Variants in LGR5 observed in about 807,000 individuals in gnomAD.
The protein encoded by LGR5 is leucine rich repeat containing G protein-coupled receptor 5.
Under a neutral mutation model 76.7 loss-of-function variants are expected in LGR5, and 54 were observed. The ratio of observed to expected loss-of-function variants is 0.70; its 90% CI spans 0.57 to 0.88. The LOEUF (loss-of-function observed/expected upper bound fraction) is 0.88, where lower values mean the gene tolerates loss of function less well. Among genes scored for constraint, LGR5 ranks in the 40% least tolerant of loss-of-function variants. LGR5 has a pLI of 0.00. For missense variants in LGR5, 1,078 were observed against 1,073.3 expected (o/e 1.00, Z -0.06); for synonymous variants, 406 against 421.9 (o/e 0.96, Z 0.46).
chr12:71,521,905 A>G (rs1283002602), intron 2 of LGR5, among the ~76,000 whole-genome samples: 1 of 152,240 alleles, frequency 6.6e-6, no homozygotes, highest in Non-Finnish European at 1.5e-5. Flanking sequence ...TAAGACACAA[A>G]GTGCTACCAA....
At chr12:71,496,090 A>T (rs941271498) in intron 1 of LGR5, among the ~76,000 whole-genome samples, 9 of 152,002 alleles carry the variant, frequency 5.9e-5, no homozygotes, top group Non-Finnish European at 1.0e-4. Flanking sequence ...AAGAGAAAAA[A>T]GCCAGGCAAG....
intron 2 of LGR5, among the ~76,000 whole-genome samples, chr12:71,506,446 A>G (rs1030433783): frequency 2.0e-5 from 3 of 152,184 alleles, no homozygotes; most frequent in Admixed American, 2.0e-4. Flanking sequence ...GGTGAATATT[A>G]ATTCTGTTCT....
chr12:71,580,402 G>T lies in LGR5; in HGVS notation c.1531G>T (p.Ala511Ser). Residue 511 changes from alanine (A) to serine (S), a missense_variant, in exon 16 of 18, where the codon GCT becomes TCT. By Grantham distance (99) the Ala-to-Ser change is moderately conservative. Coordinates refer to ENST00000266674, the MANE Select transcript of LGR5 (RefSeq NM_003667.4). The part of the protein sequence containing the change: ...SSMDDLHKKD[A>S]GMFQAQDERD... ...TATGGACGACCTTCATAAGAAAGAT[G>T]CTGGAATGTTTCAGGCTCAAGGTAG... 2 of 1,613,566 alleles carry T rather than the reference G, an allele frequency of 1.2e-6. No homozygotes were observed. Among genetic ancestry groups the T allele is most frequent in the East Asian group, 2.2e-5 (1 of 44,878 alleles).
intron 4 of LGR5, among the ~76,000 whole-genome samples, chr12:71,545,694 TTTAC>T (rs1877121300): frequency 1.3e-5 from 2 of 152,106 alleles, no homozygotes; most frequent in African/African-American, 2.4e-5. Context: ...TGACTAACAC[TTTAC>T]TTCTTATAGT....
intron 2 of LGR5, among the ~76,000 whole-genome samples, chr12:71,516,523 A>G (rs1379358168): frequency 6.6e-6 from 1 of 152,182 alleles, no homozygotes; most frequent in African/African-American, 2.4e-5. Flanking sequence ...AGTACTCCCC[A>G]GATCTTGTAC....
chr12:71,499,157 A>G lies in LGR5; in HGVS notation c.213-5457A>G, dbSNP rs145312547. Reference sequence around the variant, plus strand: ...AGGTTTTTCCAGGAAAGTAAAACAAAAGACAGGGGCTAGGGAGTTGAGAGT... The same window carrying G: ...AGGTTTTTCCAGGAAAGTAAAACAAGAGACAGGGGCTAGGGAGTTGAGAGT... On this transcript the variant is annotated intron_variant, in intron 1 of 17. Coordinates refer to ENST00000266674, the MANE Select transcript of LGR5 (RefSeq NM_003667.4). Among the ~76,000 whole-genome samples the G allele has an allele frequency of 9.2e-5, 14 of 152,328 alleles. No homozygotes were observed. The East Asian group carries it at 2.5e-3, about 27-fold the overall frequency.
intron 11 of LGR5, among the ~76,000 whole-genome samples, chr12:71,568,018 G>A (rs142355162): frequency 3.6e-4 from 55 of 152,168 alleles, no homozygotes; most frequent in African/African-American, 1.3e-3. Flanking sequence ...TAGAAATTTG[G>A]GGGGCCATGT....
At chr12:71,583,610 A>T in intron 17 of LGR5, 37 bp from the exon 18 acceptor site, 2 of 1,568,668 alleles carry the variant, frequency 1.3e-6, no homozygotes, top group African/African-American at 1.4e-5. Context: ...GTAAACCCTA[A>T]TTTGATACTC....
At chr12:71,474,357 A>G (rs1292505729) in intron 1 of LGR5, among the ~76,000 whole-genome samples, 1 of 152,222 alleles carries the variant, frequency 6.6e-6, no homozygotes, top group African/African-American at 2.4e-5. Flanking sequence ...TGTTTATAAG[A>G]TGGTGACCAT....
chr12:71,489,510 C>T (rs112649995), intron 1 of LGR5, among the ~76,000 whole-genome samples: 1 of 152,152 alleles, frequency 6.6e-6, no homozygotes, highest in African/African-American at 2.4e-5. Flanking sequence ...ATACAGATTG[C>T]ATATTTTAAC....
chr12:71,550,154 GACTT>G (rs1158887248), intron 4 of LGR5, among the ~76,000 whole-genome samples: 1 of 151,924 alleles, frequency 6.6e-6, no homozygotes, highest in African/African-American at 2.4e-5. Context: ...TCATTTTCAA[GACTT>G]TTATTTTTTT....
rs1419372199 is a variant in LGR5 at position 71,439,959 on chromosome 12, G to A, written c.-122G>A. 9 of 852,734 alleles carry A rather than the reference G, an allele frequency of 1.1e-5. No homozygotes were observed. In the South Asian group the frequency reaches 1.4e-4, roughly 13 times the overall value. 52.8% of individuals were successfully genotyped at this position (852,734 alleles called of 1,614,324 possible). ...CGTGGGGTCAGGAACGCGGCGTCTG[G>A]CGCTGCAGACGCCCGCTGAGTTGCA... On this transcript the variant is annotated 5_prime_UTR_variant, in exon 1 of 18. Transcript: ENST00000266674.
intron 1 of LGR5, among the ~76,000 whole-genome samples, chr12:71,499,686 T>C (rs1211427944): frequency 2.0e-5 from 3 of 152,102 alleles, no homozygotes; most frequent in Non-Finnish European, 4.4e-5. Context: ...TAGATCGAGC[T>C]CTGCTTGCCA....
chr12:71,581,785 A>G (rs1164693305), intron 16 of LGR5, among the ~76,000 whole-genome samples: 1 of 152,232 alleles, frequency 6.6e-6, no homozygotes, highest in African/African-American at 2.4e-5. Flanking sequence ...ACACAGAGAG[A>G]AGGTCATTCA....
intron 1 of LGR5, among the ~76,000 whole-genome samples, chr12:71,441,013 C>T (rs1365450201): frequency 6.6e-6 from 1 of 152,190 alleles, no homozygotes; most frequent in Non-Finnish European, 1.5e-5. Context: ...AATCTTTAAC[C>T]ATCTCTTCCC....
At chr12:71,458,212 A>G (rs1189267978) in intron 1 of LGR5, among the ~76,000 whole-genome samples, 1 of 152,104 alleles carries the variant, frequency 6.6e-6, no homozygotes, top group African/African-American at 2.4e-5. Flanking sequence ...ACCCTACTGT[A>G]AACTTAATTG....
intron 1 of LGR5, among the ~76,000 whole-genome samples, chr12:71,453,969 A>G (rs1419935274): frequency 6.6e-6 from 1 of 152,006 alleles, no homozygotes; most frequent in Non-Finnish European, 1.5e-5. Flanking sequence ...GAGGGGATTC[A>G]AAGTTAAATA....
chr12:71,445,471 A>AATT (rs1871947024), intron 1 of LGR5, among the ~76,000 whole-genome samples: 1 of 152,156 alleles, frequency 6.6e-6, no homozygotes, highest in African/African-American at 2.4e-5. Context: ...TCCACACTTT[A>AATT]ATTTAACCAT....
At chr12:71,517,350 G>A (rs1175471165) in intron 2 of LGR5, among the ~76,000 whole-genome samples, 4 of 152,218 alleles carry the variant, frequency 2.6e-5, no homozygotes, top group African/African-American at 7.2e-5. Flanking sequence ...ACACAGGTCA[G>A]TGGTTCCACA....
Sources: gnomAD v4.1 joint callset for allele counts (sites outside exome capture counted in the v4.1 genomes callset) on GRCh38, gnomAD v4.1.1 for gene constraint, MANE v1.5 for transcripts, NCBI Gene and HGNC (gene_info 2026-07-23, HGNC 2026-07-21) for gene names.